The following ADAMTS6 variants were observed in gnomAD, a reference collection of about 807,000 sequenced individuals.
ADAMTS6 encodes the protein ADAM metallopeptidase with thrombospondin type 1 motif 6.
In ADAMTS6, 23 loss-of-function variants were observed where a neutral mutation model predicts 144.3. That is an observed-to-expected ratio of 0.16 (90% confidence interval 0.11 to 0.23). ADAMTS6 has a LOEUF of 0.23. Among genes scored for constraint, ADAMTS6 ranks in the 10% least tolerant of loss-of-function variants. The probability of loss-of-function intolerance (pLI) is 1.00; values close to 1 mark genes in which losing one functional copy is unlikely to be tolerated. For missense variants in ADAMTS6, 999 were observed against 1,379.6 expected, an observed-to-expected ratio of 0.72 and a Z score of 4.37; for synonymous variants, 444 against 457.5, an observed-to-expected ratio of 0.97 and a Z score of 0.38.
intron 14 of ADAMTS6, among the ~76,000 whole-genome samples, chr5:65,255,057 C>T (rs1378164160): frequency 1.3e-5 from 2 of 152,158 alleles, no homozygotes; most frequent in African/African-American, 2.4e-5. Flanking sequence ...GTGGCGTACC[C>T]ACTATCCATT....
chr5:65,297,155 AT>A, intron 10 of ADAMTS6: 1 of 452,880 alleles, frequency 2.2e-6, no homozygotes, highest in Non-Finnish European at 4.4e-6. Flanking sequence ...TAACACGTCC[AT>A]TTTAACGGAA....
chr5:65,201,962 C>CA (rs1755767954), intron 20 of ADAMTS6, among the ~76,000 whole-genome samples: 1 of 152,078 alleles, frequency 6.6e-6, no homozygotes, highest in East Asian at 1.9e-4. Flanking sequence ...TGACAAGTGC[C>CA]AGGAAAAAAA....
chr5:65,451,386 A>T, intron 7 of ADAMTS6, 89 bp downstream of exon 7: 2 of 1,455,562 alleles, frequency 1.4e-6, no homozygotes, highest in East Asian at 4.6e-5. Context: ...TATACTCATT[A>T]TCTGAATGAG....
intron 20 of ADAMTS6, among the ~76,000 whole-genome samples, chr5:65,197,941 C>G (rs1410065169): frequency 6.6e-6 from 1 of 152,108 alleles, no homozygotes; most frequent in Non-Finnish European, 1.5e-5. Flanking sequence ...TTCACCATAA[C>G]TTGCTCACAT....
chr5:65,388,566 C>A (rs1203561363), intron 7 of ADAMTS6, among the ~76,000 whole-genome samples: 2 of 152,196 alleles, frequency 1.3e-5, no homozygotes, highest in African/African-American at 4.8e-5. Flanking sequence ...AGACCTCAAT[C>A]CCCTCATCTG....
intron 7 of ADAMTS6, among the ~76,000 whole-genome samples, chr5:65,437,198 C>T (rs1757502231): frequency 6.6e-6 from 1 of 151,750 alleles, no homozygotes; most frequent in Admixed American, 6.6e-5. Flanking sequence ...AGGTTCAAGC[C>T]ATTCTTCTGC....
intron 11 of ADAMTS6, among the ~76,000 whole-genome samples, chr5:65,273,772 T>C (rs1762238790): frequency 6.6e-6 from 1 of 152,138 alleles, no homozygotes; most frequent in Non-Finnish European, 1.5e-5. Context: ...AAAGGAAATA[T>C]ATGTTTATTA....
intron 20 of ADAMTS6, among the ~76,000 whole-genome samples, chr5:65,212,079 C>T (rs1229438186): frequency 3.9e-5 from 6 of 152,182 alleles, no homozygotes; most frequent in African/African-American, 9.7e-5. Flanking sequence ...CTTGTTGAAA[C>T]GCAGATTAAT....
At chr5:65,260,903 A>G (rs529574933) in intron 13 of ADAMTS6, among the ~76,000 whole-genome samples, 15 of 152,062 alleles carry the variant, frequency 9.9e-5, no homozygotes, top group Non-Finnish European at 1.2e-4. Flanking sequence ...GTATTAATTT[A>G]CTAGTAATTT....
chr5:65,437,661 C>A (rs1757547896), intron 7 of ADAMTS6, among the ~76,000 whole-genome samples: 1 of 152,096 alleles, frequency 6.6e-6, no homozygotes, highest in Non-Finnish European at 1.5e-5. Context: ...ATGTTCCAGT[C>A]TGATATAAAA....
intron 9 of ADAMTS6, among the ~76,000 whole-genome samples, chr5:65,323,463 C>T (rs1745837244): frequency 6.6e-6 from 1 of 151,982 alleles, no homozygotes; most frequent in Non-Finnish European, 1.5e-5. Flanking sequence ...TTTTTTATGG[C>T]TGCATAGTAT....
At chr5:65,361,989 C>T (rs1749867542) in intron 7 of ADAMTS6, among the ~76,000 whole-genome samples, 1 of 152,154 alleles carries the variant, frequency 6.6e-6, no homozygotes, top group Admixed American at 6.5e-5. Flanking sequence ...CCCACCTTGC[C>T]CTCCTAAAAT....
intron 22 of ADAMTS6, among the ~76,000 whole-genome samples, chr5:65,174,179 A>C (rs1444956176): frequency 2.6e-5 from 4 of 152,222 alleles, no homozygotes; most frequent in African/African-American, 9.6e-5. Flanking sequence ...TGAATGAAAT[A>C]GGAGCTCGGC....
At chr5:65,396,898 A>T (rs927466587) in intron 7 of ADAMTS6, among the ~76,000 whole-genome samples, 1 of 152,194 alleles carries the variant, frequency 6.6e-6, no homozygotes, top group Non-Finnish European at 1.5e-5. Context: ...CTTCTGAGAG[A>T]TTGTAGAGAA....
At chr5:65,269,469 C>T (rs1374769222) in intron 12 of ADAMTS6, among the ~76,000 whole-genome samples, 1 of 152,068 alleles carries the variant, frequency 6.6e-6, no homozygotes, top group Admixed American at 6.6e-5. Flanking sequence ...CTGTCACCAC[C>T]TAGATTAGGC....
intron 22 of ADAMTS6, among the ~76,000 whole-genome samples, chr5:65,175,592 C>T (rs571279757): frequency 1.1e-4 from 17 of 152,008 alleles, no homozygotes; most frequent in Non-Finnish European, 2.2e-4. Flanking sequence ...GTGGATGGCC[C>T]AGAAGCATTC....
chr5:65,261,167 C>T (rs921683305), intron 13 of ADAMTS6, among the ~76,000 whole-genome samples: 2 of 152,026 alleles, frequency 1.3e-5, no homozygotes, highest in Non-Finnish European at 2.9e-5. Context: ...AATGCAAAAA[C>T]AAATTTCCAT....
chr5:65,457,766 GAGA>G (rs1254923353), intron 4 of ADAMTS6, among the ~76,000 whole-genome samples: 1 of 34,004 alleles, frequency 2.9e-5, no homozygotes, highest in Non-Finnish European at 5.7e-5. Flanking sequence ...TTTTTTTTTT[GAGA>G]AGGAGTTTCG....
intron 7 of ADAMTS6, among the ~76,000 whole-genome samples, chr5:65,364,744 T>C (rs1173351790): frequency 6.6e-6 from 1 of 151,840 alleles, no homozygotes; most frequent in Non-Finnish European, 1.5e-5. Flanking sequence ...TTTTTGGTAG[T>C]TTTAGTAGAG....
Sources: gnomAD v4.1 joint callset for allele counts (sites outside exome capture counted in the v4.1 genomes callset) on GRCh38, gnomAD v4.1.1 for gene constraint, MANE v1.5 for transcripts, NCBI Gene and HGNC (gene_info 2026-07-23, HGNC 2026-07-21) for gene names.